CMKLR1: variants seen among roughly 807,000 people sequenced by gnomAD.
The protein encoded by CMKLR1 is chemerin-like receptor 1.
A neutral mutation model predicts 8.2 loss-of-function variants in CMKLR1; 6 were observed. The observed-to-expected ratio is 0.73, with a 90% CI of 0.40 to 1.44. The LOEUF (loss-of-function observed/expected upper bound fraction) is 1.44. CMKLR1 is among the 40% of genes most tolerant of loss of function. The pLI is 0.02. For synonymous variants in CMKLR1, 178 were observed against 181.2 expected, an observed-to-expected ratio of 0.98 and a Z score of 0.14; for missense variants, 429 against 478.0, an observed-to-expected ratio of 0.90 and a Z score of 0.96.
chr12:108,316,323 A>C (rs1311562054), intron 2 of CMKLR1, among the ~76,000 whole-genome samples: 1 of 152,024 alleles, frequency 6.6e-6, no homozygotes, highest in Non-Finnish European at 1.5e-5. Context: ...CTTAGGAGGG[A>C]GGAAGAAGCA....
chr12:108,320,416 C>G (rs1891833416), intron 2 of CMKLR1: 1 of 152,136 alleles, frequency 6.6e-6, no homozygotes, highest in Admixed American at 6.5e-5. Context: ...AGCAGAAATC[C>G]CAACCCACTC....
intron 2 of CMKLR1, among the ~76,000 whole-genome samples, chr12:108,324,298 A>T (rs1891932332): frequency 1.3e-5 from 2 of 152,116 alleles, no homozygotes; most frequent in Non-Finnish European, 2.9e-5. Context: ...CATCTTTTCA[A>T]GTGTTGTAGT....
chr12:108,292,790 T>C lies in CMKLR1; in HGVS notation c.173A>G (p.Asn58Ser). The C allele has an allele frequency of 6.2e-7, 1 of 1,614,098 alleles. No individual in the cohort carries two copies. Among genetic ancestry groups the C allele is most frequent in the Non-Finnish European group, 8.5e-7 (1 of 1,179,992 alleles). Reference protein sequence around the residue: ...SIVCFLGILGNGLVIIIATFK... With the variant: ...SIVCFLGILGSGLVIIIATFK... ...GGTGGCAATGATGATCACCAGACCA[T>C]TGCCCAGAATCCCGAGGAAGCAGAC... is the stretch of plus-strand genomic sequence containing the variant. The change falls in exon 4 of 4, where the codon AAT becomes AGT. Residue 58 changes from asparagine (N) to serine (S), a missense_variant. Coordinates refer to ENST00000550402, the MANE Select transcript of CMKLR1 (RefSeq NM_001142343.2).
At position 108,330,103 on chromosome 12, in the gene CMKLR1, T is replaced by C. The variant is rs1892070535; in HGVS notation, c.-182A>G. ...GAAAGTGGTAGAAGTGATGCTGTGC[T>C]AGTCCCAGCCTAGATCTCTAGATGC... is the stretch of plus-strand genomic sequence containing the variant. On this transcript the variant is annotated 5_prime_UTR_variant, in exon 2 of 4. An upstream open reading frame in the 5' UTR loses its in-frame stop. Coordinates refer to ENST00000550402, the MANE Select transcript of CMKLR1 (RefSeq NM_001142343.2). 1 of 152,250 alleles carries C rather than the reference T, an allele frequency of 6.6e-6. No individual in the cohort carries two copies. Among genetic ancestry groups the C allele is most frequent in the South Asian group, 2.1e-4 (1 of 4,836 alleles). 9.4% of individuals were successfully genotyped at this position (152,250 alleles called of 1,614,324 possible). A position where few individuals can be genotyped will look rare whatever the true frequency, so the allele number is the denominator to read the frequency against.
chr12:108,324,497 C>G (rs989054699), intron 2 of CMKLR1, among the ~76,000 whole-genome samples: 10 of 152,136 alleles, frequency 6.6e-5, no homozygotes, highest in African/African-American at 2.4e-5. Flanking sequence ...CCAAGTTTCT[C>G]CAAGCAAGCC....
chr12:108,299,899 T>C (rs1325984046), intron 2 of CMKLR1, among the ~76,000 whole-genome samples: 1 of 152,164 alleles, frequency 6.6e-6, no homozygotes, highest in Non-Finnish European at 1.5e-5. Flanking sequence ...GACAGTTTGT[T>C]ATGGCAGCGC....
At chr12:108,324,137 C>T (rs149439619) in intron 2 of CMKLR1, among the ~76,000 whole-genome samples, 22 of 152,272 alleles carry the variant, frequency 1.4e-4, no homozygotes, top group African/African-American at 2.2e-4. Context: ...TCCCTGGTGA[C>T]GACTGGGTTC....
chr12:108,336,608 C>T (rs190313496), intron 1 of CMKLR1, among the ~76,000 whole-genome samples: 83 of 151,988 alleles, frequency 5.5e-4, no homozygotes, highest in Non-Finnish European at 4.4e-5. Flanking sequence ...AGAGATTGCA[C>T]TTTGAGAAGC....
intron 1 of CMKLR1, among the ~76,000 whole-genome samples, chr12:108,336,116 G>A (rs551517926): frequency 3.3e-5 from 5 of 152,164 alleles, no homozygotes; most frequent in Admixed American, 6.5e-5. Context: ...GGGCAAAAAG[G>A]AAAGACTTTT....
rs1271597061 is a variant in CMKLR1 at position 108,330,022 on chromosome 12, C to T, written c.-101G>A. On this transcript the variant is annotated 5_prime_UTR_variant, in exon 2 of 4. Coordinates refer to ENST00000550402, the MANE Select transcript of CMKLR1 (RefSeq NM_001142343.2). ...GTCACGCCTCCCATCAAGAAGTGGACTCTATTTCTCCTCCCCTTGAATCTG... is the reference window on the plus strand; with the variant it reads ...GTCACGCCTCCCATCAAGAAGTGGATTCTATTTCTCCTCCCCTTGAATCTG... 4 of 152,206 alleles carry T rather than the reference C, an allele frequency of 2.6e-5. No individual in the cohort carries two copies. Among genetic ancestry groups the T allele is most frequent in the African/African-American group, 9.6e-5 (4 of 41,452 alleles). The allele number at this position is 152,206 out of a possible 1,614,324, so 9.4% of individuals were successfully genotyped here.
chr12:108,321,522 C>T (rs1201064905), intron 2 of CMKLR1, among the ~76,000 whole-genome samples: 1 of 152,128 alleles, frequency 6.6e-6, no homozygotes, highest in Non-Finnish European at 1.5e-5. Flanking sequence ...TCCCATCCTG[C>T]ACTTTCACGC....
intron 1 of CMKLR1, among the ~76,000 whole-genome samples, chr12:108,337,426 A>G (rs1213986294): frequency 6.6e-6 from 1 of 152,182 alleles, no homozygotes; most frequent in Admixed American, 6.5e-5. Flanking sequence ...TGACCCTAAT[A>G]TATGCTAGTT....
chr12:108,300,583 A>G (rs752697558), intron 2 of CMKLR1, among the ~76,000 whole-genome samples: 58 of 152,194 alleles, frequency 3.8e-4, no homozygotes, highest in Admixed American at 6.5e-4. Context: ...AGAACAACAC[A>G]ACAAAGGGAT....
intron 2 of CMKLR1, among the ~76,000 whole-genome samples, chr12:108,326,526 A>T (rs1201160938): frequency 2.6e-5 from 4 of 152,214 alleles, no homozygotes; most frequent in Admixed American, 2.6e-4. Flanking sequence ...AGATGAAGAG[A>T]CAGTCCCATC....
chr12:108,324,284 G>A (rs549933334), intron 2 of CMKLR1, among the ~76,000 whole-genome samples: 1 of 152,312 alleles, frequency 6.6e-6, no homozygotes, highest in African/African-American at 2.4e-5. Context: ...GCTCACCAAA[G>A]GGGCATCTTT....
intron 2 of CMKLR1, among the ~76,000 whole-genome samples, chr12:108,327,436 C>T (rs10219655): frequency 0.44 from 66,918 of 151,898 alleles, 15,131 homozygotes; most frequent in Admixed American, 0.54. Context: ...GCCATGATTG[C>T]GCCACTGCAC....
chr12:108,322,210 G>T (rs532987065), intron 2 of CMKLR1, among the ~76,000 whole-genome samples: 9 of 152,210 alleles, frequency 5.9e-5, no homozygotes, highest in Non-Finnish European at 8.8e-5. Context: ...CCCTGGAACG[G>T]GTTGGAACTC....
intron 2 of CMKLR1, among the ~76,000 whole-genome samples, chr12:108,295,694 G>C (rs1228354594): frequency 1.3e-5 from 2 of 152,218 alleles, no homozygotes; most frequent in African/African-American, 4.8e-5. Flanking sequence ...GGCACGCCGG[G>C]CATCTCCCCA....
Position 108,312,146 on chromosome 12 carries a change from G to A in CMKLR1, c.-74+17849C>T, listed in dbSNP as rs547610148. On this transcript the variant is annotated intron_variant, in intron 2 of 3. Transcript: ENST00000550402. ...TGTCCTGACAATCCATCTTCCCCCT[G>A]GCCTGAGGACATTACCTCCATTTCA... Among the ~76,000 whole-genome samples the A allele has an allele frequency of 8.5e-5, 13 of 152,244 alleles. No homozygotes were observed. The South Asian group carries it at 2.7e-3, about 32-fold the overall frequency.
Sources: allele counts gnomAD v4.1 joint callset (sites outside exome capture counted in the v4.1 genomes callset), GRCh38; gene constraint gnomAD v4.1.1; transcripts MANE v1.5; gene names NCBI Gene and HGNC (gene_info 2026-07-23, HGNC 2026-07-21).